Variants in FAM167A observed in about 807,000 individuals in gnomAD.
FAM167A encodes protein FAM167A.
FAM167A carries 23 observed loss-of-function variants against 14.9 expected under a neutral mutation model. The ratio of observed to expected loss-of-function variants is 1.55; its 90% confidence interval spans 1.11 to 2.19. FAM167A has a LOEUF of 2.19. FAM167A is among the 30% of genes most tolerant of loss of function. The probability of loss-of-function intolerance (pLI) is 0.00; values close to 1 mark genes in which losing one functional copy is unlikely to be tolerated. For missense variants in FAM167A, 401 were observed against 281.5 expected, an observed-to-expected ratio of 1.42 and a Z score of -3.04; for synonymous variants, 174 against 117.7, an observed-to-expected ratio of 1.48 and a Z score of -3.10.
chr8:11,430,500 A>C (rs1244980309), intron 2 of FAM167A, among the ~76,000 whole-genome samples: 1 of 152,224 alleles, frequency 6.6e-6, no homozygotes, highest in Non-Finnish European at 1.5e-5. Flanking sequence ...ACAACTCTGA[A>C]AACACTAAAA....
rs1804754352 is a variant in FAM167A, at chr8:11,421,872, C to T, written c.*2501G>A. On this transcript the variant is annotated 3_prime_UTR_variant, in exon 3 of 3. Coordinates refer to ENST00000284486, the MANE Select transcript of FAM167A (RefSeq NM_053279.3). ...GGTTAGGCCAATGTTGCTGCTGACT[C>T]ATAGACCCACAGAGAGCAGGGACTT... 5.1e-6 allele frequency: 2 copies of T among 394,134 alleles called. No individual in the cohort carries two copies. The highest frequency in any genetic ancestry group is 4.5e-6 in the Non-Finnish European group (1 of 222,794). 24.4% of individuals were successfully genotyped at this position (394,134 alleles called of 1,614,324 possible).
At chr8:11,460,118 T>C (rs2117143411) in intron 1 of FAM167A, among the ~76,000 whole-genome samples, 1 of 152,272 alleles carries the variant, frequency 6.6e-6, no homozygotes, top group Non-Finnish European at 1.5e-5. Context: ...GGGCCACCAG[T>C]GTGAGAGGAT....
At chr8:11,426,064 A>G (rs1280279494) in intron 2 of FAM167A, among the ~76,000 whole-genome samples, 2 of 152,232 alleles carry the variant, frequency 1.3e-5, no homozygotes, top group Non-Finnish European at 2.9e-5. Context: ...CTTCATCTAC[A>G]TAACAAGAAC....
At chr8:11,440,084 G>A (rs970216997) in intron 2 of FAM167A, among the ~76,000 whole-genome samples, 21 of 152,186 alleles carry the variant, frequency 1.4e-4, no homozygotes, top group African/African-American at 5.1e-4. Flanking sequence ...TGAAACCTGG[G>A]GGCTGTGACC....
intron 2 of FAM167A, among the ~76,000 whole-genome samples, chr8:11,435,458 G>A (rs1014170823): frequency 6.6e-6 from 1 of 152,244 alleles, no homozygotes; most frequent in Non-Finnish European, 1.5e-5. Flanking sequence ...CCATTTGTTA[G>A]ATGAATGAAT....
At chr8:11,461,793 T>C (rs986909849) in intron 1 of FAM167A, among the ~76,000 whole-genome samples, 2 of 152,268 alleles carry the variant, frequency 1.3e-5, no homozygotes, top group Non-Finnish European at 2.9e-5. Context: ...CCAGATGATC[T>C]GATTTCTATT....
At chr8:11,457,623 G>C (rs1042270277) in intron 1 of FAM167A, among the ~76,000 whole-genome samples, 1 of 152,100 alleles carries the variant, frequency 6.6e-6, no homozygotes, top group African/African-American at 2.4e-5. Flanking sequence ...GGCACACAGC[G>C]GGTGCTCAGG....
rs571883785 is a variant in FAM167A, at chr8:11,439,201, C to G, written c.381+4830G>C. ...CAACCTTTCTGAGCCTCAGTCTTCT[C>G]CTCTGTAAGATGGGAATAGCAAATA... On this transcript the variant is annotated intron_variant, in intron 2 of 2. Transcript: ENST00000284486. 5.9e-5 allele frequency among the ~76,000 whole-genome samples: 9 copies of G among 152,360 alleles called. No individual in the cohort carries two copies. The East Asian group carries it at 1.5e-3, about 26-fold the overall frequency.
intron 2 of FAM167A, chr8:11,438,040 G>A (rs1244396379): frequency 2.5e-6 from 1 of 394,112 alleles, no homozygotes; most frequent in Non-Finnish European, 5.0e-6. Flanking sequence ...TCCTTCGAAG[G>A]GAAACTTCAC....
chr8:11,442,427 C>T (rs1013949737), intron 2 of FAM167A, among the ~76,000 whole-genome samples: 1 of 152,038 alleles, frequency 6.6e-6, no homozygotes, highest in African/African-American at 2.4e-5. Context: ...GACTAAAGGA[C>T]GATAAGCAGG....
At chr8:11,441,197 G>A (rs1052652090) in intron 2 of FAM167A, among the ~76,000 whole-genome samples, 2 of 152,168 alleles carry the variant, frequency 1.3e-5, no homozygotes, top group African/African-American at 4.8e-5. Flanking sequence ...TTCACCGAAG[G>A]AGCCCCAAGC....
intron 2 of FAM167A, among the ~76,000 whole-genome samples, chr8:11,432,655 C>T (rs1425088724): frequency 9.9e-5 from 15 of 152,146 alleles, no homozygotes; most frequent in South Asian, 4.1e-4. Context: ...GACAGTATGG[C>T]GATTCCTCAA....
At chr8:11,430,608 G>C (rs1805515657) in intron 2 of FAM167A, among the ~76,000 whole-genome samples, 1 of 152,202 alleles carries the variant, frequency 6.6e-6, no homozygotes, top group Admixed American at 6.5e-5. Flanking sequence ...ATTAAAGAAA[G>C]AGAGCAAGAG....
chr8:11,456,221 G>GT (rs1807286252), intron 1 of FAM167A, among the ~76,000 whole-genome samples: 2 of 1,770 alleles, frequency 1.1e-3, no homozygotes, highest in Admixed American at 9.1e-3. Context: ...GTGTGAGTGT[G>GT]AGTGAGTGTG....
rs761480496 is a variant in FAM167A at position 11,444,095 on chromosome 8, G to T, written c.317C>A (p.Ser106Tyr). ...RSASQGARPL[S>Y]TGKLEGFQSI... is the part of the protein sequence containing the mutation. Reference sequence around the variant, plus strand: ...CTGAAAGCCTTCCAGCTTGCCAGTGGACAGGGGTCTGGCACCTTGGCTGGC... The same window carrying T: ...CTGAAAGCCTTCCAGCTTGCCAGTGTACAGGGGTCTGGCACCTTGGCTGGC... Residue 106 changes from serine to tyrosine, a missense_variant, in exon 2 of 3, where the codon TCC (serine) becomes TAC (tyrosine). Transcript: ENST00000284486. 7.4e-5 allele frequency: 119 copies of T among 1,613,448 alleles called. 1 individual carries two copies. The South Asian group carries it at 1.1e-3, about 15-fold the overall frequency.
At chr8:11,437,215 T>C (rs949939406) in intron 2 of FAM167A, among the ~76,000 whole-genome samples, 1 of 152,206 alleles carries the variant, frequency 6.6e-6, no homozygotes, top group Non-Finnish European at 1.5e-5. Flanking sequence ...ATTCCTGCTC[T>C]GCTGATTGAT....
chr8:11,455,582 G>A (rs144499660), intron 1 of FAM167A, among the ~76,000 whole-genome samples: 25 of 149,468 alleles, frequency 1.7e-4, no homozygotes, highest in Admixed American at 1.3e-4. Context: ...TTGAGTTTGA[G>A]TGTGGGATGG....
intron 1 of FAM167A, among the ~76,000 whole-genome samples, chr8:11,473,626 G>C (rs948281214): frequency 1.3e-5 from 2 of 152,186 alleles, no homozygotes; most frequent in Non-Finnish European, 2.9e-5. Context: ...TGGGGAGGAA[G>C]TGTACGCAGT....
intron 1 of FAM167A, among the ~76,000 whole-genome samples, chr8:11,449,130 G>A (rs1055400003): frequency 2.0e-5 from 3 of 152,252 alleles, no homozygotes; most frequent in Non-Finnish European, 4.4e-5. Flanking sequence ...GTCAGACCGC[G>A]AGGAGTTGCT....
Sources: gnomAD v4.1 joint callset for allele counts (sites outside exome capture counted in the v4.1 genomes callset) on GRCh38, gnomAD v4.1.1 for gene constraint, MANE v1.5 for transcripts, NCBI Gene and HGNC (gene_info 2026-07-23, HGNC 2026-07-21) for gene names.